The following NRG1 variants were observed in gnomAD, a reference collection of about 807,000 sequenced individuals.
The protein encoded by NRG1 is pro-neuregulin-1, membrane-bound isoform.
A neutral mutation model predicts 63.8 loss-of-function variants in NRG1; 18 were observed. The observed-to-expected ratio is 0.28, with a 90% CI of 0.19 to 0.42. The LOEUF is 0.42. Ranked by LOEUF, NRG1 falls within the 10% of genes least tolerant of loss-of-function variation. The pLI, the probability that NRG1 is intolerant of heterozygous loss-of-function variation, is 1.00. For synonymous variants in NRG1, 302 were observed against 301.3 expected, an observed-to-expected ratio of 1.00 and a Z score of -0.02; for missense variants, 762 against 814.7, an observed-to-expected ratio of 0.94 and a Z score of 0.79.
intron 1 of NRG1, among the ~76,000 whole-genome samples, chr8:31,665,653 G>C (rs983476484): frequency 1.3e-5 from 2 of 152,156 alleles, no homozygotes; most frequent in Admixed American, 1.3e-4. Flanking sequence ...AGTGATTTAC[G>C]TAGTCAACCT....
At chr8:31,639,297 C>A in exon 1 of NRG1, 2 of 1,444,706 alleles carry the variant, frequency 1.4e-6, no homozygotes, top group South Asian at 1.2e-5. Flanking sequence ...CCCGTCCTCC[C>A]ATTGCAGCAC....
chr8:32,678,165 A>C (rs1339853131), intron 5 of NRG1, among the ~76,000 whole-genome samples: 2 of 152,148 alleles, frequency 1.3e-5, no homozygotes, highest in Admixed American at 1.3e-4. Context: ...ATTTAATTAC[A>C]TTTAAATTAT....
At chr8:32,606,588 A>G (rs1376840333) in intron 3 of NRG1, among the ~76,000 whole-genome samples, 1 of 152,154 alleles carries the variant, frequency 6.6e-6, no homozygotes, top group Non-Finnish European at 1.5e-5. Context: ...GGAGCTGATG[A>G]TGATGATGAC....
intron 1 of NRG1, among the ~76,000 whole-genome samples, chr8:31,866,481 A>T (rs1828973505): frequency 6.6e-6 from 1 of 152,126 alleles, no homozygotes; most frequent in Non-Finnish European, 1.5e-5. Flanking sequence ...CAATTTGTTG[A>T]CTTTCATTGC....
At chr8:32,387,996 A>G (rs1267456711) in intron 1 of NRG1, among the ~76,000 whole-genome samples, 6 of 152,148 alleles carry the variant, frequency 3.9e-5, no homozygotes, top group Non-Finnish European at 8.8e-5. Context: ...AAAAACAAAA[A>G]CAGACTTTCG....
chr8:32,399,328 G>GT (rs1324221079), intron 1 of NRG1, among the ~76,000 whole-genome samples: 1 of 152,198 alleles, frequency 6.6e-6, no homozygotes, highest in African/African-American at 2.4e-5. Flanking sequence ...TCTGAGACAC[G>GT]TATTTAAAAT....
intron 5 of NRG1, among the ~76,000 whole-genome samples, chr8:32,724,496 T>G (rs1821554103): frequency 6.6e-6 from 1 of 152,166 alleles, no homozygotes; most frequent in African/African-American, 2.4e-5. Flanking sequence ...AAATGGAAAC[T>G]GATTTAGGAA....
chr8:32,708,263 G>A (rs1439111880), intron 5 of NRG1, among the ~76,000 whole-genome samples: 1 of 152,072 alleles, frequency 6.6e-6, no homozygotes, highest in African/African-American at 2.4e-5. Flanking sequence ...GAAGGAAACA[G>A]CTTTTAGTCT....
intron 1 of NRG1, among the ~76,000 whole-genome samples, chr8:31,645,150 C>T (rs759173238): frequency 6.6e-6 from 1 of 152,100 alleles, no homozygotes; most frequent in African/African-American, 2.4e-5. Context: ...TGTTACTCCG[C>T]TTTTATGTTA....
At chr8:31,709,572 C>A (rs1220542970) in intron 1 of NRG1, among the ~76,000 whole-genome samples, 2 of 151,978 alleles carry the variant, frequency 1.3e-5, no homozygotes, top group African/African-American at 4.8e-5. Flanking sequence ...TCCTAGAAAA[C>A]TTCCAAGGCC....
intron 1 of NRG1, among the ~76,000 whole-genome samples, chr8:32,377,247 T>C (rs1420994291): frequency 2.6e-5 from 4 of 152,234 alleles, no homozygotes; most frequent in African/African-American, 9.6e-5. Context: ...TGTGTTCCTT[T>C]GTTTCCCCAT....
intron 1 of NRG1, among the ~76,000 whole-genome samples, chr8:32,399,550 CA>C (rs1389129527): frequency 1.3e-5 from 2 of 152,118 alleles, no homozygotes; most frequent in East Asian, 1.9e-4. Flanking sequence ...ACTAAAAATA[CA>C]AAAACTAGCC....
chr8:32,280,548 A>G (rs1852591554), intron 1 of NRG1, among the ~76,000 whole-genome samples: 2 of 152,150 alleles, frequency 1.3e-5, no homozygotes, highest in African/African-American at 4.8e-5. Context: ...AGAAACTAGA[A>G]TGGAGATTCC....
At position 32,714,627 on chromosome 8, in the gene NRG1, C is replaced by T. The variant is rs78470695; in HGVS notation, c.503-13322C>T. 4.2e-3 allele frequency among the ~76,000 whole-genome samples: 636 copies of T among 152,276 alleles called. 5 individuals carry two copies. Among genetic ancestry groups the T allele is most frequent in the African/African-American group, 0.015 (611 of 41,544 alleles). On this transcript the variant is annotated intron_variant, in intron 5 of 11. Coordinates refer to ENST00000356819, the Ensembl canonical transcript of NRG1. ...AATTAAGCACAAAGTAACCTACATG[C>T]TTATTTATCAGTGAATCTTTCAGTT...
intron 1 of NRG1, among the ~76,000 whole-genome samples, chr8:31,963,439 G>A (rs1051871373): frequency 6.6e-5 from 10 of 152,128 alleles, no homozygotes; most frequent in Non-Finnish European, 1.3e-4. Flanking sequence ...GGATACATCA[G>A]CCTTAGCATA....
At chr8:32,719,533 C>T (rs975512248) in intron 5 of NRG1, among the ~76,000 whole-genome samples, 1 of 151,918 alleles carries the variant, frequency 6.6e-6, no homozygotes, top group African/African-American at 2.4e-5. Flanking sequence ...ACATGTTTGA[C>T]ACACATAAAA....
chr8:32,741,821 C>A (rs1826374566), intron 6 of NRG1, among the ~76,000 whole-genome samples, 187 bp from the exon 7 acceptor site: 1 of 152,104 alleles, frequency 6.6e-6, no homozygotes, highest in African/African-American at 2.4e-5. Flanking sequence ...CAAACAACAA[C>A]AAAAATCTGT....
chr8:32,645,164 G>C (rs1853243918), intron 5 of NRG1, among the ~76,000 whole-genome samples: 1 of 152,162 alleles, frequency 6.6e-6, no homozygotes, highest in Non-Finnish European at 1.5e-5. Context: ...TGATCATTGA[G>C]ATCTTACTAT....
intron 1 of NRG1, among the ~76,000 whole-genome samples, chr8:31,718,683 C>A (rs1451339541): frequency 1.3e-5 from 2 of 152,130 alleles, no homozygotes; most frequent in South Asian, 2.1e-4. Context: ...ACAACAGAAG[C>A]CTTTCTTGTT....
Sources: allele counts gnomAD v4.1 joint callset (sites outside exome capture counted in the v4.1 genomes callset), GRCh38; gene constraint gnomAD v4.1.1; transcripts MANE v1.5; gene names NCBI Gene and HGNC (gene_info 2026-07-23, HGNC 2026-07-21).